RARB: variants seen among roughly 807,000 people sequenced by gnomAD.
The protein encoded by RARB is HBV-activated protein.
Under a neutral mutation model 51.9 loss-of-function variants are expected in RARB, and 17 were observed. That is an observed-to-expected ratio of 0.33 (90% CI 0.22 to 0.49). The LOEUF is 0.49. Ranked by LOEUF, RARB falls within the 20% of genes least tolerant of loss-of-function variation. RARB has a pLI of 0.99. For missense variants in RARB, 369 were observed against 550.8 expected, an observed-to-expected ratio of 0.67 and a Z score of 3.30; for synonymous variants, 215 against 195.4, an observed-to-expected ratio of 1.10 and a Z score of -0.84.
At chr3:25,040,880 T>C (rs982059722) in intron 2 of RARB, among the ~76,000 whole-genome samples, 1 of 152,182 alleles carries the variant, frequency 6.6e-6, no homozygotes, top group African/African-American at 2.4e-5. Flanking sequence ...TGGTCTAAGG[T>C]CTGTCTCGAG....
At chr3:24,897,752 C>T (rs200269261) in intron 2 of RARB, among the ~76,000 whole-genome samples, 5,878 of 145,110 alleles carry the variant, frequency 0.041, 156 homozygotes, top group Middle Eastern at 0.079. Flanking sequence ...TGCTCTGAGG[C>T]TTTTTTTTTT....
chr3:24,880,579 G>A (rs1283537255), intron 2 of RARB, among the ~76,000 whole-genome samples: 3 of 152,082 alleles, frequency 2.0e-5, no homozygotes, highest in Non-Finnish European at 4.4e-5. Flanking sequence ...TTCTCAACAT[G>A]GGTTGTGAAT....
chr3:25,213,516 C>T (rs377377925), intron 5 of RARB, among the ~76,000 whole-genome samples: 26 of 152,298 alleles, frequency 1.7e-4, no homozygotes, highest in African/African-American at 6.0e-4. Flanking sequence ...CAATAAGGCA[C>T]TCTGAGCATC....
chr3:24,922,470 G>T (rs1019214735), intron 2 of RARB, among the ~76,000 whole-genome samples: 7 of 152,134 alleles, frequency 4.6e-5, no homozygotes, highest in Non-Finnish European at 2.9e-5. Flanking sequence ...GTCGTAGGCC[G>T]TAGGTATTTA....
At chr3:24,861,128 C>T (rs560932925) in intron 2 of RARB, among the ~76,000 whole-genome samples, 1 of 152,262 alleles carries the variant, frequency 6.6e-6, no homozygotes, top group South Asian at 2.1e-4. Context: ...TTGGTGGGGG[C>T]AGGAAGTATC....
intron 5 of RARB, among the ~76,000 whole-genome samples, chr3:25,175,733 G>T (rs1284457555): frequency 1.3e-5 from 2 of 152,172 alleles, no homozygotes; most frequent in Admixed American, 1.3e-4. Flanking sequence ...CTGATAAACA[G>T]TGACTCGATT....
At chr3:25,174,723 A>G (rs1700709887) in intron 5 of RARB, 1 of 832,548 alleles carries the variant, frequency 1.2e-6, no homozygotes, top group South Asian at 1.7e-5. Flanking sequence ...AGTTCTGTGG[A>G]AAGAGATATG....
At chr3:25,041,426 T>C (rs1698112122) in intron 2 of RARB, among the ~76,000 whole-genome samples, 1 of 152,126 alleles carries the variant, frequency 6.6e-6, no homozygotes, top group South Asian at 2.1e-4. Context: ...GATCTGACTT[T>C]CAAATAAATA....
chr3:25,181,247 T>C (rs1700854282), intron 5 of RARB, among the ~76,000 whole-genome samples: 1 of 152,210 alleles, frequency 6.6e-6, no homozygotes, highest in African/African-American at 2.4e-5. Flanking sequence ...ACCTAGATTT[T>C]ATGAAGCTTA....
chr3:25,388,710 T>C (rs7645412), intron 5 of RARB, among the ~76,000 whole-genome samples: 2,411 of 152,286 alleles, frequency 0.016, 68 homozygotes, highest in African/African-American at 0.053. Flanking sequence ...AAGAAAGTAG[T>C]TTAACTGTAC....
At chr3:25,176,417 G>A (rs71622827) in intron 5 of RARB, among the ~76,000 whole-genome samples, 13,178 of 140,744 alleles carry the variant, frequency 0.094, 842 homozygotes, top group South Asian at 0.23. Context: ...TTATTTTTGA[G>A]ATGGTATCTC....
chr3:25,563,088 T>A (rs1205610974), intron 3 of RARB, among the ~76,000 whole-genome samples: 5 of 152,210 alleles, frequency 3.3e-5, no homozygotes, highest in African/African-American at 1.2e-4. Context: ...CAATATTCTG[T>A]AAAAATTCTA....
intron 3 of RARB, among the ~76,000 whole-genome samples, chr3:25,081,019 T>G (rs980571557): frequency 1.3e-5 from 2 of 152,152 alleles, no homozygotes; most frequent in African/African-American, 4.8e-5. Context: ...TACTTTATTA[T>G]CTTCTTCTAT....
intron 5 of RARB, among the ~76,000 whole-genome samples, chr3:25,276,406 A>G (rs1205612185): frequency 3.3e-5 from 5 of 152,246 alleles, no homozygotes; most frequent in African/African-American, 9.6e-5. Flanking sequence ...ACGATACTCA[A>G]TAAATATGTA....
intron 5 of RARB, among the ~76,000 whole-genome samples, chr3:25,232,781 C>T (rs998493132): frequency 1.3e-5 from 2 of 152,068 alleles, no homozygotes; most frequent in Admixed American, 1.3e-4. Context: ...TACAATCATT[C>T]TGTTTTTCAC....
intron 1 of RARB, among the ~76,000 whole-genome samples, chr3:25,459,686 T>C (rs563834197): frequency 1.8e-3 from 269 of 152,284 alleles, no homozygotes; most frequent in African/African-American, 6.3e-3. Context: ...ACAATAAGTT[T>C]AGTGGGTAGA....
intron 2 of RARB, among the ~76,000 whole-genome samples, chr3:25,058,038 T>C (rs1698472905): frequency 6.6e-6 from 1 of 152,002 alleles, no homozygotes; most frequent in African/African-American, 2.4e-5. Context: ...ACTTCCACTT[T>C]GCTTAGGTTA....
At chr3:25,430,953 A>ATT (rs147662338) in intron 1 of RARB, among the ~76,000 whole-genome samples, 69 of 110,062 alleles carry the variant, frequency 6.3e-4, no homozygotes, top group African/African-American at 9.5e-4. Context: ...TGTTCCAACG[A>ATT]TTTTTTTTTT....
intron 2 of RARB, among the ~76,000 whole-genome samples, chr3:25,047,545 T>G (rs1376151422): frequency 1.3e-5 from 2 of 152,360 alleles, no homozygotes; most frequent in African/African-American, 4.8e-5. Context: ...CGGTGTTGCA[T>G]AGTAACTAGA....
Sources: allele counts gnomAD v4.1 joint callset (sites outside exome capture counted in the v4.1 genomes callset), GRCh38; gene constraint gnomAD v4.1.1; transcripts MANE v1.5; gene names NCBI Gene and HGNC (gene_info 2026-07-23, HGNC 2026-07-21).